Variants in KIF26B observed in about 807,000 individuals in gnomAD.
KIF26B encodes the protein kinesin family member 26B.
KIF26B carries 63 observed loss-of-function variants against 151.2 expected under a neutral mutation model. That is an observed-to-expected ratio of 0.42 (90% CI 0.34 to 0.51). The LOEUF (loss-of-function observed/expected upper bound fraction) is 0.51. Ranked by LOEUF, KIF26B falls within the 20% of genes least tolerant of loss-of-function variation. The pLI is 0.07. For missense variants in KIF26B, 2,813 were observed against 2,913.6 expected (o/e 0.97, Z 0.79); for synonymous variants, 1,357 against 1,262.1 (o/e 1.08, Z -1.59).
chr1:245,212,590 C>T (rs1669561420), intron 2 of KIF26B, among the ~76,000 whole-genome samples: 1 of 152,248 alleles, frequency 6.6e-6, no homozygotes, highest in Non-Finnish European at 1.5e-5. Flanking sequence ...TCTTTTGCTA[C>T]CATCGAGAGC....
intron 4 of KIF26B, among the ~76,000 whole-genome samples, chr1:245,522,082 G>T (rs973926206): frequency 6.6e-6 from 1 of 152,174 alleles, no homozygotes; most frequent in East Asian, 1.9e-4. Context: ...TGTTAGCCAG[G>T]ATGGTCTCGA....
intron 2 of KIF26B, among the ~76,000 whole-genome samples, chr1:245,261,788 G>C (rs1236099568): frequency 6.6e-6 from 1 of 151,634 alleles, no homozygotes; most frequent in Non-Finnish European, 1.5e-5. Flanking sequence ...TTTGCCATGT[G>C]CCCAGGCTGG....
chr1:245,185,460 C>A (rs1373217686), intron 2 of KIF26B, among the ~76,000 whole-genome samples: 1 of 152,138 alleles, frequency 6.6e-6, no homozygotes, highest in Non-Finnish European at 1.5e-5. Context: ...TGGATAAAAT[C>A]GAAAGGTACA....
chr1:245,669,646 G>A (rs1419711909), intron 10 of KIF26B, among the ~76,000 whole-genome samples: 1 of 152,220 alleles, frequency 6.6e-6, no homozygotes, highest in Non-Finnish European at 1.5e-5. Flanking sequence ...CTAGCCAGCA[G>A]GATGTAGCTA....
intron 4 of KIF26B, among the ~76,000 whole-genome samples, chr1:245,485,042 A>T (rs1660250948): frequency 6.6e-6 from 1 of 152,184 alleles, no homozygotes; most frequent in Admixed American, 6.5e-5. Context: ...TTCAGCAATG[A>T]AAAAGGAATG....
rs1316134430 is a variant in KIF26B at position 245,705,879 on chromosome 1, G to T, written c.*3273G>T. 2.0e-5 allele frequency: 3 copies of T among 152,204 alleles called. No individual in the cohort carries two copies. The allele number at this position is 152,204 out of a possible 1,614,324, so 9.4% of individuals were successfully genotyped here. On this transcript the variant is annotated 3_prime_UTR_variant, in exon 15 of 15. Coordinates refer to ENST00000407071, the MANE Select transcript of KIF26B (RefSeq NM_018012.4). The stretch of plus-strand genomic sequence containing the variant: ...CTTGAATTCCCCTCTACATCACGAG[G>T]AAGCTGTCTCTTTCATCTCTTCCGG...
intron 2 of KIF26B, among the ~76,000 whole-genome samples, chr1:245,332,483 T>C (rs1672132703): frequency 1.3e-5 from 2 of 152,212 alleles, no homozygotes; most frequent in African/African-American, 2.4e-5. Flanking sequence ...TTCCTTTTAA[T>C]TTTTATTTTT....
At chr1:245,407,548 A>G (rs1180144609) in intron 3 of KIF26B, among the ~76,000 whole-genome samples, 5 of 151,752 alleles carry the variant, frequency 3.3e-5, no homozygotes, top group African/African-American at 4.8e-5. Context: ...TCTTACTACC[A>G]CTATATTGAA....
At chr1:245,435,097 C>CCA (rs1558164620) in intron 4 of KIF26B, among the ~76,000 whole-genome samples, 16 of 85,204 alleles carry the variant, frequency 1.9e-4, no homozygotes, top group African/African-American at 4.8e-4. Flanking sequence ...CCATCCATCT[C>CCA]TCCATCCATC....
At chr1:245,285,511 C>T (rs922250493) in intron 2 of KIF26B, among the ~76,000 whole-genome samples, 6 of 152,060 alleles carry the variant, frequency 3.9e-5, no homozygotes, top group African/African-American at 1.4e-4. Context: ...TGCTGTGGAT[C>T]TGTGCTCACT....
chr1:245,382,096 G>C (rs764970831), intron 3 of KIF26B, among the ~76,000 whole-genome samples: 1 of 152,108 alleles, frequency 6.6e-6, no homozygotes, highest in Admixed American at 6.5e-5. Flanking sequence ...GAAGTAGAAC[G>C]GCTGGGTCAA....
intron 5 of KIF26B, among the ~76,000 whole-genome samples, chr1:245,581,961 G>GAAGGAAGGA (rs1298184576): frequency 6.6e-6 from 1 of 151,372 alleles, no homozygotes; most frequent in African/African-American, 2.4e-5. Context: ...AGGAAGGAAG[G>GAAGGAAGGA]AAATAAATAA....
rs1670179712 is a variant in KIF26B at position 245,239,803 on chromosome 1, A to T, written c.465+83120A>T. ...GAGCCATTGTGTCCTGACCAGTAAA[A>T]TGATTTTCTGAATGTTTTAGTGTTT... is the stretch of plus-strand genomic sequence containing the variant. On this transcript the variant is annotated intron_variant, in intron 2 of 14. Transcript: ENST00000407071. The surrounding 1 kb of genome is among the most constrained non-coding windows in gnomAD (Gnocchi z 4.3). Among the ~76,000 whole-genome samples, 1 of 152,076 alleles carries T rather than the reference A, an allele frequency of 6.6e-6. No homozygotes were observed. Among genetic ancestry groups the T allele is most frequent in the African/African-American group, 2.4e-5 (1 of 41,388 alleles).
At chr1:245,388,691 C>T (rs1673612557) in intron 3 of KIF26B, among the ~76,000 whole-genome samples, 1 of 152,160 alleles carries the variant, frequency 6.6e-6, no homozygotes, top group Non-Finnish European at 1.5e-5. Flanking sequence ...CAGCCCTTCT[C>T]CCATAGCCCT....
intron 4 of KIF26B, among the ~76,000 whole-genome samples, chr1:245,427,938 C>T (rs549828501): frequency 9.2e-5 from 14 of 152,134 alleles, no homozygotes; most frequent in African/African-American, 2.2e-4. Flanking sequence ...AGAACCAGGG[C>T]GCCCAATTGT....
intron 3 of KIF26B, among the ~76,000 whole-genome samples, chr1:245,377,660 T>C (rs1234667670): frequency 6.6e-6 from 1 of 152,082 alleles, no homozygotes; most frequent in African/African-American, 2.4e-5. Context: ...CTAGATAAGA[T>C]AGATAAATAA....
chr1:245,210,942 G>A (rs569391614), intron 2 of KIF26B, among the ~76,000 whole-genome samples: 6 of 152,194 alleles, frequency 3.9e-5, no homozygotes, highest in East Asian at 1.9e-4. Context: ...TACCACTGGC[G>A]ATGTTCTGTT....
At chr1:245,443,230 G>A (rs1659158171) in intron 4 of KIF26B, among the ~76,000 whole-genome samples, 1 of 150,288 alleles carries the variant, frequency 6.7e-6, no homozygotes, top group African/African-American at 2.5e-5. Context: ...TTCACCTACA[G>A]CGGTCATCTC....
chr1:245,355,732 G>A (rs1254075191), intron 2 of KIF26B, among the ~76,000 whole-genome samples: 2 of 152,164 alleles, frequency 1.3e-5, no homozygotes, highest in African/African-American at 2.4e-5. Context: ...ATGTCTCCGG[G>A]GCTATTTATC....
Sources: allele counts gnomAD v4.1 joint callset (sites outside exome capture counted in the v4.1 genomes callset), GRCh38; gene constraint gnomAD v4.1.1; non-coding constraint Gnocchi (gnomAD v3.1); transcripts MANE v1.5; gene names NCBI Gene and HGNC (gene_info 2026-07-23, HGNC 2026-07-21).